The following ANK3 variants were observed in gnomAD, a reference collection of about 807,000 sequenced individuals.
ANK3 encodes ankyrin-3.
ANK3 carries 57 observed loss-of-function variants against 370.9 expected under a neutral mutation model. The observed-to-expected ratio is 0.15, with a 90% CI of 0.12 to 0.19. The LOEUF is 0.19. Ranked by LOEUF, ANK3 falls within the 10% of genes least tolerant of loss-of-function variation. The pLI is 1.00. For synonymous variants in ANK3, 1,929 were observed against 1,946.3 expected, an observed-to-expected ratio of 0.99 and a Z score of 0.23; for missense variants, 4,439 against 5,302.1, an observed-to-expected ratio of 0.84 and a Z score of 5.06.
At chr10:60,545,906 C>T (rs913114432) in intron 2 of ANK3, among the ~76,000 whole-genome samples, 12 of 152,184 alleles carry the variant, frequency 7.9e-5, no homozygotes, top group African/African-American at 2.7e-4. Context: ...AGAAGGAGGC[C>T]TCAGCCCAGA....
intron 1 of ANK3, among the ~76,000 whole-genome samples, chr10:60,386,294 T>C (rs2062302629): frequency 6.6e-6 from 1 of 151,844 alleles, no homozygotes; most frequent in Non-Finnish European, 1.5e-5. Context: ...AGTGGGAAAG[T>C]ATGGCTAAGG....
Position 60,331,964 on chromosome 10 carries a change from C to CTT in ANK3, c.115-52327_115-52326dup, listed in dbSNP as rs11418523. On this transcript the variant is annotated intron_variant, in intron 1 of 43. Coordinates refer to ENST00000280772, the MANE Select transcript of ANK3 (RefSeq NM_020987.5). ...CTTTAATTAGGTAACATCTTTTTTT[C>CTT]TTTTTTTTTTAAACTACAGACCTAG... is the stretch of plus-strand genomic sequence containing the variant. 2.4e-4 allele frequency among the ~76,000 whole-genome samples: 36 copies of CTT among 148,608 alleles called. No individual in the cohort carries two copies. In the South Asian group the frequency reaches 3.6e-3, roughly 15 times the overall value.
intron 1 of ANK3, among the ~76,000 whole-genome samples, chr10:60,380,280 A>G (rs2132827324): frequency 6.6e-6 from 1 of 152,206 alleles, no homozygotes; most frequent in African/African-American, 2.4e-5. Context: ...TCTATGTGAG[A>G]TTTCCTAGGG....
At chr10:60,504,882 T>G (rs2075893300) in intron 2 of ANK3, among the ~76,000 whole-genome samples, 2 of 152,102 alleles carry the variant, frequency 1.3e-5, no homozygotes, top group South Asian at 4.1e-4. Context: ...TGACTTGAAT[T>G]GAGATTCAAA....
chr10:60,175,745 G>C (rs1245992903), intron 18 of ANK3, among the ~76,000 whole-genome samples: 1 of 152,210 alleles, frequency 6.6e-6, no homozygotes, highest in Non-Finnish European at 1.5e-5. Flanking sequence ...CAGCAGCCAG[G>C]AGCCCGGGCC....
chr10:60,133,090 C>T (rs372861043), intron 25 of ANK3, among the ~76,000 whole-genome samples: 24 of 152,306 alleles, frequency 1.6e-4, no homozygotes, highest in African/African-American at 5.8e-4. Context: ...TCAGCATCTG[C>T]AGACATGTGG....
intron 2 of ANK3, among the ~76,000 whole-genome samples, chr10:60,415,265 G>A (rs1036020283): frequency 8.5e-5 from 13 of 152,136 alleles, no homozygotes; most frequent in Non-Finnish European, 1.6e-4. Flanking sequence ...TCATGCCTCC[G>A]TTATTCCCAG....
intron 1 of ANK3, among the ~76,000 whole-genome samples, chr10:60,636,568 G>A (rs1032840918): frequency 6.6e-6 from 1 of 152,184 alleles, no homozygotes; most frequent in Non-Finnish European, 1.5e-5. Flanking sequence ...TTATTAGTAA[G>A]AGCCCAGACA....
intron 41 of ANK3, among the ~76,000 whole-genome samples, chr10:60,058,631 A>G (rs2079686967): frequency 6.6e-6 from 1 of 152,238 alleles, no homozygotes; most frequent in African/African-American, 2.4e-5. Context: ...TTATTGGTAG[A>G]TGATGGGGTG....
intron 2 of ANK3, among the ~76,000 whole-genome samples, chr10:60,560,030 A>T (rs1275567855): frequency 1.3e-5 from 2 of 152,048 alleles, no homozygotes; most frequent in Non-Finnish European, 2.9e-5. Flanking sequence ...GTGACAGAGA[A>T]TCTGTCATTC....
At chr10:60,189,963 T>C (rs2096443281) in intron 16 of ANK3, among the ~76,000 whole-genome samples, 1 of 152,182 alleles carries the variant, frequency 6.6e-6, no homozygotes, top group Non-Finnish European at 1.5e-5. Context: ...TAAATAATAC[T>C]TAAAGCTCAC....
At chr10:60,486,669 A>G (rs1220905125) in intron 2 of ANK3, among the ~76,000 whole-genome samples, 1 of 152,206 alleles carries the variant, frequency 6.6e-6, no homozygotes, top group Non-Finnish European at 1.5e-5. Flanking sequence ...TTCTGATTTT[A>G]TTCTCCAATC....
chr10:60,693,237 C>G (rs141687989), intron 1 of ANK3, among the ~76,000 whole-genome samples: 11 of 152,236 alleles, frequency 7.2e-5, no homozygotes, highest in Non-Finnish European at 1.3e-4. Flanking sequence ...TATCCCGCAC[C>G]TGGCTCGCAG....
At chr10:60,684,521 C>A in intron 1 of ANK3, 2 of 1,531,338 alleles carry the variant, frequency 1.3e-6, no homozygotes, top group Non-Finnish European at 1.8e-6. Context: ...AATGGACTAT[C>A]AGACCAGACT....
chr10:60,399,484 C>T (rs945664548), intron 2 of ANK3, among the ~76,000 whole-genome samples: 2 of 152,126 alleles, frequency 1.3e-5, no homozygotes, highest in African/African-American at 2.4e-5. Flanking sequence ...AGTTTCACCT[C>T]AAGGTTGTTA....
intron 2 of ANK3, among the ~76,000 whole-genome samples, chr10:60,395,628 C>CTTTCGT (rs56817676): frequency 8.6e-4 from 119 of 137,670 alleles, no homozygotes; most frequent in Middle Eastern, 3.5e-3. Context: ...TTCTCTCTCT[C>CTTTCGT]TCTCTCTCTC....
chr10:60,433,963 G>T (rs530810396), intron 2 of ANK3, among the ~76,000 whole-genome samples: 1 of 152,290 alleles, frequency 6.6e-6, no homozygotes, highest in Admixed American at 6.5e-5. Flanking sequence ...CACTTGGCAT[G>T]TGCTAAACAG....
intron 24 of ANK3, among the ~76,000 whole-genome samples, chr10:60,136,616 TCTC>T (rs1281756681): frequency 1.3e-5 from 2 of 152,200 alleles, no homozygotes. Flanking sequence ...TTCTTAAACA[TCTC>T]CTCCTTCTTT....
chr10:60,066,000 A>T (rs1331003496), intron 38 of ANK3, among the ~76,000 whole-genome samples: 2 of 148,598 alleles, frequency 1.3e-5, no homozygotes, highest in Non-Finnish European at 2.9e-5. Context: ...TTCTTGTTTT[A>T]AAAAAAGCAC....
Sources: gnomAD v4.1 joint callset for allele counts (sites outside exome capture counted in the v4.1 genomes callset) on GRCh38, gnomAD v4.1.1 for gene constraint, MANE v1.5 for transcripts, NCBI Gene and HGNC (gene_info 2026-07-23, HGNC 2026-07-21) for gene names.